Variants in OPRM1 observed in about 807,000 individuals in gnomAD.
OPRM1 encodes the protein mu-type opioid receptor.
OPRM1 carries 27 observed loss-of-function variants against 31.8 expected under a neutral mutation model. That is an observed-to-expected ratio of 0.85 (90% CI 0.63 to 1.17). OPRM1 has a LOEUF of 1.17. Ranked by LOEUF, OPRM1 falls within the 50% of genes most tolerant of loss-of-function variation. The probability of loss-of-function intolerance (pLI) is 0.00; values close to 1 mark genes in which losing one functional copy is unlikely to be tolerated. For synonymous variants in OPRM1, 196 were observed against 189.9 expected (o/e 1.03, Z -0.26); for missense variants, 536 against 511.1 (o/e 1.05, Z -0.47).
Position 154,051,240 on chromosome 6 carries a change from T to C in OPRM1, c.290+11406T>C, listed in dbSNP as rs563595113. 1.6e-4 allele frequency among the ~76,000 whole-genome samples: 25 copies of C among 152,320 alleles called. 1 individual carries two copies. The highest frequency in any genetic ancestry group is 1.2e-3 in the Admixed American group (19 of 15,302). On this transcript the variant is annotated intron_variant, in intron 1 of 3. Transcript: ENST00000330432. ...AAAAATTTATTAAGCCACAAAATCC[T>C]TACTCTAATTTTTGGTAAACAACTA...
chr6:154,024,504 C>A (rs1029503340), intron 1 of OPRM1, among the ~76,000 whole-genome samples: 11 of 151,190 alleles, frequency 7.3e-5, no homozygotes, highest in African/African-American at 2.7e-4. Context: ...TTGTTTTGTT[C>A]ATCTTTTTGT....
At chr6:154,175,676 A>G (rs1001401505) in intron 3 of OPRM1, among the ~76,000 whole-genome samples, 3 of 152,198 alleles carry the variant, frequency 2.0e-5, no homozygotes, top group African/African-American at 7.2e-5. Context: ...TGAGGCAATA[A>G]TTAATAGCCT....
chr6:154,144,158 A>G (rs1798297450), intron 3 of OPRM1, among the ~76,000 whole-genome samples: 1 of 152,238 alleles, frequency 6.6e-6, no homozygotes. Flanking sequence ...GTAAGTATTA[A>G]GGAAATAGAA....
intron 3 of OPRM1, among the ~76,000 whole-genome samples, chr6:154,142,924 A>G (rs1357485713): frequency 6.6e-6 from 1 of 152,088 alleles, no homozygotes; most frequent in Non-Finnish European, 1.5e-5. Context: ...CCCCAATTCC[A>G]TCAAATAACT....
At chr6:154,092,195 C>T (rs919322945) in intron 3 of OPRM1, among the ~76,000 whole-genome samples, 3 of 152,010 alleles carry the variant, frequency 2.0e-5, no homozygotes, top group Admixed American at 2.0e-4. Context: ...GTGCCCAGAC[C>T]TACACAGAAA....
chr6:154,228,081 G>A (rs112551551), intron 3 of OPRM1, among the ~76,000 whole-genome samples: 1 of 151,804 alleles, frequency 6.6e-6, no homozygotes, highest in Non-Finnish European at 1.5e-5. Context: ...CTCCTCCTCC[G>A]CTTCTCCAGA....
intron 3 of OPRM1, among the ~76,000 whole-genome samples, chr6:154,230,396 G>A (rs556840155): frequency 3.3e-5 from 5 of 152,198 alleles, no homozygotes; most frequent in South Asian, 4.1e-4. Flanking sequence ...AAAAAATTAA[G>A]TCTTTTAGAA....
At chr6:154,023,242 A>G (rs999011665) in intron 1 of OPRM1, among the ~76,000 whole-genome samples, 1 of 151,684 alleles carries the variant, frequency 6.6e-6, no homozygotes, top group African/African-American at 2.4e-5. Context: ...CTTTTTTTAT[A>G]GTTTTCACTA....
At position 154,121,588 on chromosome 6, in the gene OPRM1, C is replaced by T. The variant is rs545011801; in HGVS notation, c.*2867C>T. On this transcript the variant is annotated 3_prime_UTR_variant, in exon 4 of 4. Coordinates refer to ENST00000330432, the MANE Select transcript of OPRM1 (RefSeq NM_000914.5). ...TGACTGTGTTGATAAAACTGATAAC[C>T]ATTCACTTGCAAATGTTATTATTGA... Among the ~76,000 whole-genome samples, 1 of 152,160 alleles carries T rather than the reference C, an allele frequency of 6.6e-6. No homozygotes were observed. The highest frequency in any genetic ancestry group is 1.9e-4 in the East Asian group (1 of 5,198).
intron 1 of OPRM1, among the ~76,000 whole-genome samples, chr6:154,056,514 TG>T (rs1267148960): frequency 6.6e-6 from 1 of 151,774 alleles, no homozygotes; most frequent in Non-Finnish European, 1.5e-5. Flanking sequence ...GGACTTGCAA[TG>T]CGATGTCTGT....
chr6:154,156,778 T>C (rs17277929), intron 3 of OPRM1: 18,324 of 152,218 alleles, frequency 0.12, 1,381 homozygotes, highest in Middle Eastern at 0.27. Flanking sequence ...AATGCAGGGC[T>C]CAGAGTGTCT....
chr6:154,075,792 T>C (rs1435575383), intron 1 of OPRM1, among the ~76,000 whole-genome samples: 3 of 152,050 alleles, frequency 2.0e-5, no homozygotes, highest in African/African-American at 7.2e-5. Flanking sequence ...TTCCCATCTG[T>C]TAGAGGGAGG....
At position 154,039,373 on chromosome 6, in the gene OPRM1, G is replaced by T. The variant is rs6912029; in HGVS notation, c.-172G>T. 0.05 allele frequency: 77,203 copies of T among 1,545,042 alleles called. 2,416 individuals are homozygous for T. Among genetic ancestry groups the T allele is most frequent in the African/African-American group, 0.11 (8,391 of 73,016 alleles). On this transcript the variant is annotated 5_prime_UTR_variant, in exon 1 of 4. Coordinates refer to ENST00000330432, the MANE Select transcript of OPRM1 (RefSeq NM_000914.5). ...CGCAGAGGAGAATGTCAGATGCTCAGCTCGGTCCCCTCCGCCTGACGCTCC... is the reference window on the plus strand; with the variant it reads ...CGCAGAGGAGAATGTCAGATGCTCATCTCGGTCCCCTCCGCCTGACGCTCC...
chr6:154,201,247 A>C (rs532279647), intron 3 of OPRM1, among the ~76,000 whole-genome samples: 2 of 152,320 alleles, frequency 1.3e-5, no homozygotes, highest in East Asian at 3.9e-4. Context: ...AATATAACCA[A>C]CAATTCTTGG....
At chr6:154,051,299 G>A (rs939464585) in intron 1 of OPRM1, among the ~76,000 whole-genome samples, 1 of 152,176 alleles carries the variant, frequency 6.6e-6, no homozygotes, top group African/African-American at 2.4e-5. Flanking sequence ...ATGGCTCTAG[G>A]ACCGTGAATT....
chr6:154,214,685 G>GA (rs1381307253), intron 3 of OPRM1, among the ~76,000 whole-genome samples: 9 of 152,116 alleles, frequency 5.9e-5, no homozygotes, highest in Non-Finnish European at 1.2e-4. Flanking sequence ...GTTTATTTTA[G>GA]AAAAAATGTA....
At chr6:154,232,058 C>G (rs1229469685) in intron 3 of OPRM1, among the ~76,000 whole-genome samples, 1 of 151,866 alleles carries the variant, frequency 6.6e-6, no homozygotes, top group Admixed American at 6.6e-5. Flanking sequence ...GGTTTTTTTC[C>G]TTTCTTCCCC....
At chr6:154,055,583 C>T (rs1355506699) in intron 1 of OPRM1, among the ~76,000 whole-genome samples, 1 of 152,098 alleles carries the variant, frequency 6.6e-6, no homozygotes, top group Non-Finnish European at 1.5e-5. Context: ...TTCTAGACTC[C>T]TAAGTTCTGC....
At chr6:154,015,606 C>T (rs756592903) in intron 1 of OPRM1, among the ~76,000 whole-genome samples, 12 of 151,752 alleles carry the variant, frequency 7.9e-5, no homozygotes, top group Non-Finnish European at 1.8e-4. Context: ...AAAACTGCCA[C>T]GCTACTACTC....
Sources: gnomAD v4.1 joint callset for allele counts (sites outside exome capture counted in the v4.1 genomes callset) on GRCh38, gnomAD v4.1.1 for gene constraint, MANE v1.5 for transcripts, NCBI Gene and HGNC (gene_info 2026-07-23, HGNC 2026-07-21) for gene names.